Variants in TTC28 observed in about 807,000 individuals in gnomAD.
TTC28 encodes tetratricopeptide repeat domain 28, also known as tetratricopeptide repeat protein 28.
TTC28 carries 61 observed loss-of-function variants against 198.0 expected under a neutral mutation model. The ratio of observed to expected loss-of-function variants is 0.31; its 90% confidence interval spans 0.25 to 0.38. TTC28 has a LOEUF of 0.38. TTC28 is among the 10% of genes least tolerant of loss of function. TTC28 has a pLI of 1.00. For synonymous variants in TTC28, 1,171 were observed against 1,297.8 expected, an observed-to-expected ratio of 0.90 and a Z score of 2.10; for missense variants, 2,678 against 3,164.0, an observed-to-expected ratio of 0.85 and a Z score of 3.69.
chr22:28,507,006 C>T (rs1291461598), intron 2 of TTC28, among the ~76,000 whole-genome samples: 2 of 152,198 alleles, frequency 1.3e-5, no homozygotes, highest in Non-Finnish European at 2.9e-5. Context: ...GCCTCTTCTC[C>T]TCAAATGACC....
At chr22:28,508,493 G>A (rs558001228) in intron 2 of TTC28, among the ~76,000 whole-genome samples, 4 of 151,912 alleles carry the variant, frequency 2.6e-5, no homozygotes, top group African/African-American at 7.2e-5. Flanking sequence ...CCATGTTGGC[G>A]AGGATGGTCT....
At chr22:28,055,639 A>G (rs900778319) in intron 12 of TTC28, among the ~76,000 whole-genome samples, 1 of 152,200 alleles carries the variant, frequency 6.6e-6, no homozygotes, top group African/African-American at 2.4e-5. Context: ...CCCCCATTTT[A>G]TGGATGAGAA....
intron 6 of TTC28, 95 bp downstream of exon 6, chr22:28,162,997 T>A (rs531185528): frequency 4.3e-6 from 6 of 1,381,358 alleles, no homozygotes; most frequent in Non-Finnish European, 4.8e-6. Flanking sequence ...CTTTTAAATA[T>A]AAACACACAG....
chr22:28,193,853 C>A (rs1162524717), intron 5 of TTC28, among the ~76,000 whole-genome samples: 2 of 152,086 alleles, frequency 1.3e-5, no homozygotes, highest in Non-Finnish European at 2.9e-5. Flanking sequence ...CTTTAAGACC[C>A]CACTGTCAAC....
intron 12 of TTC28, among the ~76,000 whole-genome samples, chr22:28,092,407 G>A (rs75862757): frequency 6.6e-6 from 1 of 152,150 alleles, no homozygotes; most frequent in African/African-American, 2.4e-5. Flanking sequence ...GAGGGACAGT[G>A]GGGGGACTAA....
At chr22:28,059,549 T>A (rs1940426939) in intron 12 of TTC28, among the ~76,000 whole-genome samples, 1 of 152,054 alleles carries the variant, frequency 6.6e-6, no homozygotes, top group African/African-American at 2.4e-5. Context: ...AGGTGATTGG[T>A]GTTTTTGTAT....
intron 2 of TTC28, among the ~76,000 whole-genome samples, chr22:28,544,893 A>G (rs1371315135): frequency 6.6e-6 from 1 of 152,242 alleles, no homozygotes; most frequent in Non-Finnish European, 1.5e-5. Flanking sequence ...CCTCTTTCCC[A>G]GAAGTCTCAT....
intron 12 of TTC28, among the ~76,000 whole-genome samples, chr22:28,048,443 T>C (rs73880377): frequency 0.14 from 21,619 of 151,596 alleles, 1,628 homozygotes; most frequent in Non-Finnish European, 0.17. Context: ...GAGGCAGCAA[T>C]AATTAAGACG....
intron 17 of TTC28, chr22:27,994,590 G>A (rs1198165436): frequency 6.6e-6 from 1 of 152,218 alleles, no homozygotes; most frequent in Non-Finnish European, 1.5e-5. Flanking sequence ...CTGTCCCTCA[G>A]GAGCGGGGGG....
chr22:28,256,809 T>TG (rs1307863259), intron 5 of TTC28, among the ~76,000 whole-genome samples: 1 of 152,146 alleles, frequency 6.6e-6, no homozygotes, highest in Non-Finnish European at 1.5e-5. Context: ...GAAGCTGAAG[T>TG]GGGAGCATTG....
At chr22:28,620,091 C>G (rs924415847) in intron 2 of TTC28, among the ~76,000 whole-genome samples, 1 of 152,168 alleles carries the variant, frequency 6.6e-6, no homozygotes, top group African/African-American at 2.4e-5. Context: ...GTGGCTCACG[C>G]CTGTAATCCC....
intron 2 of TTC28, among the ~76,000 whole-genome samples, chr22:28,536,826 A>G (rs1161433209): frequency 6.6e-6 from 1 of 152,144 alleles, no homozygotes; most frequent in Non-Finnish European, 1.5e-5. Flanking sequence ...GTTAACAACA[A>G]AAAACATGTA....
chr22:28,164,090 C>T (rs1236274779), intron 5 of TTC28, among the ~76,000 whole-genome samples: 2 of 152,176 alleles, frequency 1.3e-5, no homozygotes, highest in Non-Finnish European at 2.9e-5. Context: ...GGAAGCGAGG[C>T]TGGGGGAGGG....
chr22:28,026,208 G>C (rs778341257), intron 13 of TTC28, among the ~76,000 whole-genome samples: 1 of 152,204 alleles, frequency 6.6e-6, no homozygotes, highest in Admixed American at 6.5e-5. Context: ...GCAGGGAAAA[G>C]CTCTGCAGGG....
chr22:28,196,717 T>C (rs1925382426), intron 5 of TTC28, among the ~76,000 whole-genome samples: 6 of 152,004 alleles, frequency 3.9e-5, no homozygotes, highest in Admixed American at 3.9e-4. Context: ...ATCAGAGAAA[T>C]GCAAATCAAA....
chr22:28,090,295 A>G (rs1941773925), intron 12 of TTC28, among the ~76,000 whole-genome samples: 1 of 152,090 alleles, frequency 6.6e-6, no homozygotes, highest in Admixed American at 6.6e-5. Flanking sequence ...ATATAATTAC[A>G]AAATTTAAAT....
In TTC28 at chr22:28,163,153, C is replaced by A. The variant is rs1003980497; in HGVS notation, c.1380G>T (p.Gln460His). Residue 460 changes from glutamine (Q) to histidine (H), a missense_variant, in exon 6 of 23, where the codon CAG becomes CAT. Around this residue, in one of 8 missense-constraint regions of TTC28, gnomAD observed 775 missense variants for 845.9 expected, o/e 0.92. Coordinates refer to ENST00000397906, the MANE Select transcript of TTC28 (RefSeq NM_001145418.2). ...CCTTGAGATCCTCAGCAATGCCCAG[C>A]TGCTGCTCATGGTATTGTTTAGCTC... ...LERAKQYHEQ[Q>H]LGIAEDLKDR... 1 of 1,551,656 alleles carries A rather than the reference C, an allele frequency of 6.4e-7. No homozygotes were observed. Among genetic ancestry groups the A allele is most frequent in the East Asian group, 2.4e-5 (1 of 40,920 alleles).
chr22:28,590,061 A>AAAAAAAAAAAAAAAAAAAAC (rs1555898135), intron 2 of TTC28, among the ~76,000 whole-genome samples: 4 of 142,304 alleles, frequency 2.8e-5, no homozygotes, highest in Non-Finnish European at 6.2e-5. Context: ...AAAAAAAAAA[A>AAAAAAAAAAAAAAAAAAAAC]ACACAGAAAA....
intron 2 of TTC28, among the ~76,000 whole-genome samples, chr22:28,480,619 A>G (rs961218762): frequency 2.0e-5 from 3 of 152,164 alleles, no homozygotes; most frequent in African/African-American, 7.2e-5. Flanking sequence ...TCATTTGCAT[A>G]CATATGTAAG....
Sources: gnomAD v4.1 joint callset for allele counts (sites outside exome capture counted in the v4.1 genomes callset) on GRCh38, gnomAD v4.1.1 for gene constraint, gnomAD v4.1.1 regional missense constraint, MANE v1.5 for transcripts, NCBI Gene and HGNC (gene_info 2026-07-23, HGNC 2026-07-21) for gene names.